Variants in SLC25A26 observed in about 807,000 individuals in gnomAD.
SLC25A26 encodes mitochondrial S-adenosylmethionine carrier protein.
In SLC25A26, 36 loss-of-function variants were observed where a neutral mutation model predicts 37.8. The observed-to-expected ratio is 0.95, with a 90% CI of 0.73 to 1.26. SLC25A26 has a LOEUF of 1.26. Among genes scored for constraint, SLC25A26 ranks in the 50% most tolerant of loss-of-function variants. SLC25A26 has a pLI of 0.00. For synonymous variants in SLC25A26, 129 were observed against 122.5 expected, an observed-to-expected ratio of 1.05 and a Z score of -0.35; for missense variants, 390 against 331.1, an observed-to-expected ratio of 1.18 and a Z score of -1.38.
At chr3:66,311,785 T>G (rs2075385133) in intron 5 of SLC25A26, among the ~76,000 whole-genome samples, 2 of 152,150 alleles carry the variant, frequency 1.3e-5, no homozygotes, top group Admixed American at 6.5e-5. Context: ...TGGACGTTCA[T>G]TTCAGACCCT....
chr3:66,187,025 A>G (rs1245503953), intron 1 of SLC25A26, among the ~76,000 whole-genome samples: 1 of 151,928 alleles, frequency 6.6e-6, no homozygotes, highest in African/African-American at 2.4e-5. Context: ...CAAGCTGACC[A>G]TGATATGGAT....
chr3:66,283,857 C>A (rs1445076403), intron 5 of SLC25A26, among the ~76,000 whole-genome samples: 1 of 152,154 alleles, frequency 6.6e-6, no homozygotes, highest in Non-Finnish European at 1.5e-5. Flanking sequence ...ACTTCTATCT[C>A]TTGAACATGG....
chr3:66,367,455 A>T, intron 7 of SLC25A26, among the ~76,000 whole-genome samples: 1 of 152,340 alleles, frequency 6.6e-6, no homozygotes, highest in South Asian at 2.1e-4. Context: ...CTTCAGCCAC[A>T]GAATAAGTAA....
chr3:66,352,449 T>C (rs1309190046), intron 6 of SLC25A26, among the ~76,000 whole-genome samples: 1 of 151,436 alleles, frequency 6.6e-6, no homozygotes, highest in Non-Finnish European at 1.5e-5. Flanking sequence ...TTTGTTTTTT[T>C]TTTTGAGATG....
intron 5 of SLC25A26, among the ~76,000 whole-genome samples, chr3:66,288,479 C>A (rs1423967101): frequency 6.6e-6 from 1 of 152,074 alleles, no homozygotes; most frequent in Non-Finnish European, 1.5e-5. Context: ...CTGTAGCCAT[C>A]CCCTACCCCT....
chr3:66,260,112 G>A (rs955038179), intron 3 of SLC25A26, among the ~76,000 whole-genome samples: 7 of 152,104 alleles, frequency 4.6e-5, no homozygotes, highest in Non-Finnish European at 8.8e-5. Flanking sequence ...CTATAATGGT[G>A]TAATCTTGGG....
chr3:66,298,980 C>T (rs1206949417), intron 5 of SLC25A26, among the ~76,000 whole-genome samples: 1 of 152,138 alleles, frequency 6.6e-6, no homozygotes, highest in African/African-American at 2.4e-5. Flanking sequence ...CTTGAAGGTG[C>T]CATCTAAAAA....
intron 6 of SLC25A26, among the ~76,000 whole-genome samples, chr3:66,358,539 T>TATCC (rs1393410554): frequency 7.9e-5 from 12 of 152,252 alleles, no homozygotes; most frequent in South Asian, 6.2e-4. Flanking sequence ...AGGACAACTA[T>TATCC]ATCCTATAGA....
At chr3:66,347,362 CAT>C (rs2076350786) in intron 6 of SLC25A26, among the ~76,000 whole-genome samples, 2 of 152,166 alleles carry the variant, frequency 1.3e-5, no homozygotes, top group East Asian at 1.9e-4. Flanking sequence ...AGGCAACAAA[CAT>C]ATGAGAAAAA....
chr3:66,348,711 G>C, intron 6 of SLC25A26, among the ~76,000 whole-genome samples: 1 of 152,312 alleles, frequency 6.6e-6, no homozygotes. Context: ...TAAGTATCAA[G>C]AAGTATTTCT....
At chr3:66,346,626 G>C (rs747736872) in intron 6 of SLC25A26, among the ~76,000 whole-genome samples, 2 of 152,002 alleles carry the variant, frequency 1.3e-5, no homozygotes, top group Non-Finnish European at 2.9e-5. Context: ...AGGTGGCACT[G>C]AAATCCACAG....
chr3:66,304,378 T>C (rs904169048), intron 5 of SLC25A26: 11 of 454,060 alleles, frequency 2.4e-5, no homozygotes, highest in Non-Finnish European at 4.4e-5. Context: ...TCTAAGCTAA[T>C]ATCTTCCCTT....
Position 66,282,116 on chromosome 3 carries a change from A to G in SLC25A26, c.453+18737A>G, listed in dbSNP as rs544254125. ...AAGCTCCGCTTCCCAGGTTCACGCC[A>G]TTCTCCTGCCTCAGCCTCCCGAGTA... On this transcript the variant is annotated intron_variant, in intron 5 of 9. Coordinates refer to ENST00000354883, the MANE Select transcript of SLC25A26 (RefSeq NM_001379210.1). 1.9e-4 allele frequency among the ~76,000 whole-genome samples: 27 copies of G among 142,908 alleles called. 1 individual carries two copies. In the South Asian group the frequency reaches 5.2e-3, roughly 28 times the overall value. 93.8% of individuals were successfully genotyped at this position (142,908 alleles called of 152,430 possible).
intron 5 of SLC25A26, among the ~76,000 whole-genome samples, chr3:66,325,658 C>A (rs1329413469): frequency 3.9e-5 from 6 of 151,934 alleles, no homozygotes; most frequent in African/African-American, 1.5e-4. Context: ...GCCCAGCAGC[C>A]CAGGCAGAGG....
chr3:66,189,832 A>ATT (rs1184350616), intron 1 of SLC25A26, among the ~76,000 whole-genome samples: 22,914 of 149,168 alleles, frequency 0.15, 2,357 homozygotes, highest in African/African-American at 0.29. Context: ...TAGGTAATTA[A>ATT]TTTTTTTTTT....
intron 5 of SLC25A26, among the ~76,000 whole-genome samples, chr3:66,326,841 G>C (rs951004743): frequency 6.6e-6 from 1 of 152,118 alleles, no homozygotes; most frequent in African/African-American, 2.4e-5. Context: ...CAGAAAGCCC[G>C]GACAGTCGAG....
intron 5 of SLC25A26, among the ~76,000 whole-genome samples, chr3:66,313,422 A>G (rs1269773212): frequency 1.3e-5 from 2 of 152,112 alleles, no homozygotes; most frequent in African/African-American, 4.8e-5. Flanking sequence ...CAAAGATCAG[A>G]TGGTTGTAGA....
intron 1 of SLC25A26, 161 bp downstream of exon 1, chr3:66,221,288 C>T: frequency 3.1e-6 from 1 of 322,306 alleles, no homozygotes; most frequent in Non-Finnish European, 4.5e-6. Context: ...CCCAGGCCAC[C>T]GGCGGGCCAG....
chr3:66,276,951 C>G (rs1313550804), intron 5 of SLC25A26, among the ~76,000 whole-genome samples: 1 of 122,356 alleles, frequency 8.2e-6, no homozygotes, highest in Admixed American at 8.3e-5. Context: ...CTTCCTGGCA[C>G]TGTTTGAAAA....
Sources: gnomAD v4.1 joint callset for allele counts (sites outside exome capture counted in the v4.1 genomes callset) on GRCh38, gnomAD v4.1.1 for gene constraint, MANE v1.5 for transcripts, NCBI Gene and HGNC (gene_info 2026-07-23, HGNC 2026-07-21) for gene names.